TALDO1: variants seen among roughly 807,000 people sequenced by gnomAD.
TALDO1 encodes transaldolase 1.
A neutral mutation model predicts 38.1 loss-of-function variants in TALDO1; 29 were observed. The ratio of observed to expected loss-of-function variants is 0.76; its 90% CI spans 0.57 to 1.04. The LOEUF is 1.04. TALDO1 is among the 50% of genes least tolerant of loss of function. The pLI is 0.00. For missense variants in TALDO1, 499 were observed against 438.1 expected, an observed-to-expected ratio of 1.14 and a Z score of -1.24; for synonymous variants, 207 against 176.8, an observed-to-expected ratio of 1.17 and a Z score of -1.36.
intron 1 of TALDO1, among the ~76,000 whole-genome samples, chr11:747,805 G>C (rs1862686886): frequency 6.6e-6 from 1 of 152,156 alleles, no homozygotes; most frequent in South Asian, 2.1e-4. Flanking sequence ...GCGACCGTGA[G>C]GGGAACGGGG....
At chr11:763,599 G>A in intron 5 of TALDO1, 80 bp downstream of exon 5, 31 of 1,593,832 alleles carry the variant, frequency 1.9e-5, no homozygotes, top group Non-Finnish European at 2.7e-5. Context: ...AGACGGAGCT[G>A]CCGCATCAAC....
rs1863020741 is a variant in TALDO1, at chr11:764,782, G to A, written c.982-31G>A. ...TTCAAGGTGCAGAAGGTAGGGTGGG[G>A]AGACACAGCTCGTGCTCTGTTTGTT... On this transcript the variant is annotated intron_variant, in intron 7 of 7. Coordinates refer to ENST00000319006, the MANE Select transcript of TALDO1 (RefSeq NM_006755.2). The A allele has an allele frequency of 3.1e-6, 5 of 1,614,172 alleles. No homozygotes were observed. In the East Asian group the frequency reaches 8.9e-5, roughly 29 times the overall value.
chr11:755,429 C>T (rs1862818083), intron 1 of TALDO1, among the ~76,000 whole-genome samples: 1 of 152,144 alleles, frequency 6.6e-6, no homozygotes, highest in South Asian at 2.1e-4. Context: ...CAGGCGTGGG[C>T]CGCCGCGCCC....
intron 1 of TALDO1, among the ~76,000 whole-genome samples, chr11:750,525 A>G (rs747974619): frequency 2.6e-5 from 4 of 151,604 alleles, no homozygotes; most frequent in Non-Finnish European, 4.4e-5. Flanking sequence ...AAATAAAGTT[A>G]CTGAACTTGT....
chr11:760,427 C>T, intron 4 of TALDO1, 174 bp downstream of exon 4: 1 of 872,390 alleles, frequency 1.1e-6, no homozygotes, highest in Non-Finnish European at 1.8e-6. Context: ...GCCCTCTGCT[C>T]CAGAGCCAGC....
intron 1 of TALDO1, among the ~76,000 whole-genome samples, chr11:754,618 T>C (rs987686895): frequency 6.6e-6 from 1 of 152,012 alleles, no homozygotes; most frequent in African/African-American, 2.4e-5. Context: ...ATTACGGGCA[T>C]GTGTCACCAC....
At chr11:762,573 C>G (rs890471609) in intron 4 of TALDO1, among the ~76,000 whole-genome samples, 2 of 152,266 alleles carry the variant, frequency 1.3e-5, no homozygotes. Context: ...TGTTTCCCAA[C>G]TCAGCTGTGC....
intron 1 of TALDO1, among the ~76,000 whole-genome samples, chr11:755,135 CTTTTTTTTTTTTTT>C (rs71022966): frequency 1.7e-5 from 1 of 59,604 alleles, no homozygotes; most frequent in African/African-American, 6.8e-5. Context: ...TCCCCTTGGC[CTTTTTTTTTTTTTT>C]TTTTTTTTTT....
At chr11:751,118 A>G (rs1862742576) in intron 1 of TALDO1, among the ~76,000 whole-genome samples, 1 of 151,932 alleles carries the variant, frequency 6.6e-6, no homozygotes, top group Non-Finnish European at 1.5e-5. Flanking sequence ...TGGTGCAATC[A>G]CGTGGTGCAA....
chr11:755,728 C>T (rs1244753965), intron 1 of TALDO1, 151 bp from the exon 2 acceptor site: 13 of 1,089,514 alleles, frequency 1.2e-5, no homozygotes, highest in Non-Finnish European at 1.8e-5. Flanking sequence ...TTCAGTGACC[C>T]AGAAGAAGGT....
intron 2 of TALDO1, among the ~76,000 whole-genome samples, chr11:758,140 C>T (rs1300420193): frequency 1.3e-5 from 2 of 152,182 alleles, no homozygotes; most frequent in South Asian, 4.1e-4. Context: ...AAAAATTAGC[C>T]GGGCACAGTG....
At chr11:749,650 T>G (rs1862719360) in intron 1 of TALDO1, among the ~76,000 whole-genome samples, 1 of 152,178 alleles carries the variant, frequency 6.6e-6, no homozygotes, top group African/African-American at 2.4e-5. Context: ...CCTCCCCATT[T>G]TGCATTCAGT....
intron 1 of TALDO1, 112 bp downstream of exon 1, chr11:747,690 GC>G (rs1322928668): frequency 1.0e-6 from 1 of 970,566 alleles, no homozygotes; most frequent in African/African-American, 1.7e-5. Flanking sequence ...GGTGCCCCGG[GC>G]GGCTCGTTCC....
At chr11:754,736 T>C (rs937204981) in intron 1 of TALDO1, among the ~76,000 whole-genome samples, 10 of 152,168 alleles carry the variant, frequency 6.6e-5, no homozygotes, top group African/African-American at 2.2e-4. Context: ...CCTCCCAAAA[T>C]GCTGGGATTA....
intron 1 of TALDO1, among the ~76,000 whole-genome samples, chr11:754,717 C>A (rs1345411522): frequency 1.3e-5 from 2 of 152,178 alleles, no homozygotes; most frequent in Admixed American, 1.3e-4. Flanking sequence ...GGCGATCCAC[C>A]AGCCTCAGCC....
chr11:760,584 TG>T (rs1338869236), intron 4 of TALDO1: 18 of 331,398 alleles, frequency 5.4e-5, no homozygotes, highest in African/African-American at 3.6e-4. Flanking sequence ...TATGTTTACA[TG>T]ATTTTTAAAA....
chr11:755,149 T>C (rs1489487371), intron 1 of TALDO1, among the ~76,000 whole-genome samples: 5 of 134,760 alleles, frequency 3.7e-5, no homozygotes, highest in Non-Finnish European at 8.0e-5. Flanking sequence ...TTTTTTTTTT[T>C]TTTTTTTTTT....
intron 1 of TALDO1, among the ~76,000 whole-genome samples, chr11:751,322 G>A (rs998672491): frequency 6.6e-6 from 1 of 152,146 alleles, no homozygotes; most frequent in African/African-American, 2.4e-5. Flanking sequence ...TATTTGGGAA[G>A]AAAAAATTGC....
chr11:749,203 G>C (rs898096249), intron 1 of TALDO1, among the ~76,000 whole-genome samples: 1 of 152,074 alleles, frequency 6.6e-6, no homozygotes, highest in African/African-American at 2.4e-5. Context: ...AGGAGTTCGA[G>C]ACCAGCCTGA....
Sources: gnomAD v4.1 joint callset for allele counts (sites outside exome capture counted in the v4.1 genomes callset) on GRCh38, gnomAD v4.1.1 for gene constraint, MANE v1.5 for transcripts, NCBI Gene and HGNC (gene_info 2026-07-23, HGNC 2026-07-21) for gene names.